EML6: variants seen among roughly 807,000 people sequenced by gnomAD.
EML6 encodes echinoderm microtubule-associated protein-like 6.
A neutral mutation model predicts 240.1 loss-of-function variants in EML6; 154 were observed. The ratio of observed to expected loss-of-function variants is 0.64; its 90% CI spans 0.56 to 0.73. The LOEUF is 0.73. Among genes scored for constraint, EML6 ranks in the 30% least tolerant of loss-of-function variants. EML6 has a pLI of 0.00. For missense variants in EML6, 2,964 were observed against 2,474.6 expected (o/e 1.20, Z -4.20); for synonymous variants, 1,148 against 899.0 (o/e 1.28, Z -4.95).
chr2:54,771,998 C>G (rs541174701), intron 2 of EML6, among the ~76,000 whole-genome samples: 1 of 152,342 alleles, frequency 6.6e-6, no homozygotes, highest in East Asian at 1.9e-4. Flanking sequence ...ATGATATTTT[C>G]TCCAGTGAAA....
chr2:54,935,147 T>C lies in EML6; in HGVS notation c.4004+6396T>C, dbSNP rs1573176022. On this transcript the variant is annotated intron_variant, in intron 28 of 41. Transcript: ENST00000356458. ...TGTTTAGGTTGTCACGTTTGGTCTT[T>C]AGCAGACACTCCTTTGGTTGGGTGT... 3.9e-5 allele frequency among the ~76,000 whole-genome samples: 6 copies of C among 152,366 alleles called. No homozygotes were observed. In the South Asian group the frequency reaches 1.2e-3, roughly 32 times the overall value.
chr2:54,847,633 G>A lies in EML6; in HGVS notation c.1187+10G>A. 1.7e-5 allele frequency: 26 copies of A among 1,551,632 alleles called. No individual in the cohort carries two copies. Among genetic ancestry groups the A allele is most frequent in the Non-Finnish European group, 2.3e-5 (26 of 1,146,636 alleles). On this transcript the variant is annotated intron_variant, in intron 9 of 41. Transcript: ENST00000356458. The stretch of plus-strand genomic sequence containing the variant: ...TTGTTCTCCGAGTCAGGCACGTACT[G>A]ATGTTGAAAATGGTATTTAGAAATG...
intron 26 of EML6, 124 bp from the exon 27 acceptor site, chr2:54,928,189 G>T: frequency 6.4e-6 from 5 of 783,734 alleles, no homozygotes; most frequent in Admixed American, 4.2e-5. Flanking sequence ...TTACATTCTA[G>T]TTGAAATGTA....
chr2:54,827,255 A>G (rs908420544), intron 5 of EML6, among the ~76,000 whole-genome samples: 4 of 152,212 alleles, frequency 2.6e-5, no homozygotes, highest in African/African-American at 7.2e-5. Flanking sequence ...GCAAAACATG[A>G]TTTGTCCACT....
rs1668529494 is a variant in EML6 at position 54,774,799 on chromosome 2, C to G, written c.198-38433C>G. Among the ~76,000 whole-genome samples, 1 of 152,194 alleles carries G rather than the reference C, an allele frequency of 6.6e-6. No homozygotes were observed. The highest frequency in any genetic ancestry group is 1.5e-5 in the Non-Finnish European group (1 of 68,026). Reference sequence around the variant, plus strand: ...TATTGCAAAATCTTTATCTTCTACTCTGTGTGGATTGGTCTTTAGTCAATG... The same window carrying G: ...TATTGCAAAATCTTTATCTTCTACTGTGTGTGGATTGGTCTTTAGTCAATG... On this transcript the variant is annotated intron_variant, in intron 2 of 41. Transcript: ENST00000356458. The surrounding 1 kb of genome is among the most constrained non-coding windows in gnomAD (Gnocchi z 4.1).
chr2:54,805,917 G>T (rs1670447461), intron 2 of EML6, among the ~76,000 whole-genome samples: 1 of 152,030 alleles, frequency 6.6e-6, no homozygotes, highest in African/African-American at 2.4e-5. Context: ...CCTTTCCCCT[G>T]ATGAGTTATC....
At chr2:54,848,365 A>G (rs1333145724) in intron 9 of EML6, among the ~76,000 whole-genome samples, 2 of 152,220 alleles carry the variant, frequency 1.3e-5, no homozygotes, top group African/African-American at 2.4e-5. Flanking sequence ...TGATTGGAGA[A>G]TGGTCTTAGC....
In EML6 at chr2:54,928,356, A is replaced by G. The variant is rs762711343; in HGVS notation, c.3719A>G (p.His1240Arg). Residue 1240 changes from histidine (H) to arginine (R), a missense_variant, in exon 27 of 42, where the codon CAT (histidine) becomes CGT (arginine). By Grantham distance (29) the His-to-Arg change is conservative. Coordinates refer to ENST00000356458, the MANE Select transcript of EML6 (RefSeq NM_001039753.4). ...RFKKYVGHSA[H>R]VTNVRWLHND... ...AAGAAGTATGTGGGGCACAGTGCAC[A>G]TGTCACTAACGTGAGGTGGCTGCAC... is the stretch of plus-strand genomic sequence containing the variant. 4.5e-6 allele frequency: 7 copies of G among 1,551,926 alleles called. No individual in the cohort carries two copies. Among genetic ancestry groups the G allele is most frequent in the East Asian group, 2.4e-5 (1 of 40,918 alleles).
chr2:54,912,977 A>C (rs1055905812), intron 25 of EML6, among the ~76,000 whole-genome samples: 2 of 151,836 alleles, frequency 1.3e-5, no homozygotes, highest in African/African-American at 4.8e-5. Flanking sequence ...TCTTTGAGAA[A>C]TCTCCAAACT....
At chr2:54,961,299 C>G (rs576322165) in intron 35 of EML6, among the ~76,000 whole-genome samples, 1 of 150,508 alleles carries the variant, frequency 6.6e-6, no homozygotes, top group South Asian at 2.1e-4. Flanking sequence ...ATTCTCCTGC[C>G]TCAGCCTCCC....
intron 2 of EML6, among the ~76,000 whole-genome samples, chr2:54,791,461 C>G (rs1301321378): frequency 1.3e-5 from 2 of 152,198 alleles, no homozygotes; most frequent in Admixed American, 6.5e-5. Flanking sequence ...CCTCTTGTAC[C>G]TGTGATACAA....
At chr2:54,758,931 C>G (rs1359963767) in intron 2 of EML6, among the ~76,000 whole-genome samples, 1 of 60,592 alleles carries the variant, frequency 1.7e-5, no homozygotes, top group East Asian at 2.9e-4. Context: ...CATAAGTTGC[C>G]TTTTTGAGCT....
At position 54,958,958 on chromosome 2, in the gene EML6, A is replaced by T. The variant is rs188965886; in HGVS notation, c.4696-146A>T. On this transcript the variant is annotated intron_variant, in intron 33 of 41. Transcript: ENST00000356458. ...TGTGCTCTCGGTGATTTCTTTGCAA[A>T]TTCTGCTGCTTTCCTTAGCACAAAG... The T allele has an allele frequency of 4.2e-6, 3 of 715,046 alleles. No homozygotes were observed. In the African/African-American group the frequency reaches 5.4e-5, roughly 13 times the overall value. 44.3% of individuals were successfully genotyped at this position (715,046 alleles called of 1,614,324 possible). A position where few individuals can be genotyped will look rare whatever the true frequency, so the allele number is the denominator to read the frequency against.
chr2:54,963,304 ATGGTTGCTAGACTT>A (rs1676607508), intron 36 of EML6, among the ~76,000 whole-genome samples: 1 of 152,254 alleles, frequency 6.6e-6, no homozygotes, highest in Non-Finnish European at 1.5e-5. Context: ...AAGCTTGAGT[ATGGTTGCTAGACTT>A]TTAAGTTAGT....
At chr2:54,966,417 C>T (rs1055048440) in intron 38 of EML6, among the ~76,000 whole-genome samples, 17 of 152,330 alleles carry the variant, frequency 1.1e-4, no homozygotes, top group African/African-American at 4.1e-4. Flanking sequence ...ACAGGAAGGG[C>T]AGCAGCCATT....
At chr2:54,872,162 A>G (rs67299431) in intron 16 of EML6, among the ~76,000 whole-genome samples, 25,804 of 152,144 alleles carry the variant, frequency 0.17, 2,336 homozygotes, top group South Asian at 0.28. Flanking sequence ...TGAACACAGT[A>G]TCATAAAAAA....
chr2:54,894,998 A>C lies in EML6; in HGVS notation c.2826A>C (p.Lys942Asn). 6.4e-7 allele frequency: 1 copy of C among 1,551,518 alleles called. No homozygotes were observed. The highest frequency in any genetic ancestry group is 8.7e-7 in the Non-Finnish European group (1 of 1,146,718). Residue 942 changes from lysine to asparagine, a missense_variant, in exon 20 of 42, where the codon AAA becomes AAC. Lys to Asn is a moderately conservative substitution (Grantham distance 94). Transcript: ENST00000356458. ...FERCLKTYAI[K>N]RSALSTSSKG... ...GATGTTTGAAGACTTATGCCATTAA[A>C]AGATCAGCATTGTCGACTAGCTCAA...
At chr2:54,954,292 G>A (rs1676127037) in intron 32 of EML6, 136 bp downstream of exon 32, 1 of 751,218 alleles carries the variant, frequency 1.3e-6, no homozygotes, top group Non-Finnish European at 2.1e-6. Flanking sequence ...GGAAAACAGG[G>A]CACTGGGGAT....
intron 21 of EML6, among the ~76,000 whole-genome samples, chr2:54,898,701 C>G (rs950678374): frequency 1.3e-5 from 2 of 152,166 alleles, no homozygotes; most frequent in African/African-American, 4.8e-5. Flanking sequence ...GCTACAAACA[C>G]CTTTCAGATG....
Sources: allele counts gnomAD v4.1 joint callset (sites outside exome capture counted in the v4.1 genomes callset), GRCh38; gene constraint gnomAD v4.1.1; non-coding constraint Gnocchi (gnomAD v3.1); transcripts MANE v1.5; gene names NCBI Gene and HGNC (gene_info 2026-07-23, HGNC 2026-07-21).